MTOR: variants seen among roughly 807,000 people sequenced by gnomAD.
The protein encoded by MTOR is serine/threonine-protein kinase mTOR.
MTOR carries 70 observed loss-of-function variants against 319.8 expected under a neutral mutation model. The observed-to-expected ratio is 0.22, with a 90% CI of 0.18 to 0.27. The LOEUF (loss-of-function observed/expected upper bound fraction) is 0.27, where lower values mean the gene tolerates loss of function less well. Among genes scored for constraint, MTOR ranks in the 10% least tolerant of loss-of-function variants. The pLI, the probability that MTOR is intolerant of heterozygous loss-of-function variation, is 1.00. For synonymous variants in MTOR, 1,183 were observed against 1,211.4 expected, an observed-to-expected ratio of 0.98 and a Z score of 0.49; for missense variants, 1,890 against 3,274.4, an observed-to-expected ratio of 0.58 and a Z score of 10.32.
chr1:11,153,802 C>T (rs1644226882), intron 30 of MTOR, among the ~76,000 whole-genome samples: 1 of 151,996 alleles, frequency 6.6e-6, no homozygotes, highest in Non-Finnish European at 1.5e-5. Flanking sequence ...GATGCAGTGG[C>T]TCACACCCGT....
At chr1:11,236,596 C>A (rs1647260221) in intron 13 of MTOR, among the ~76,000 whole-genome samples, 1 of 151,772 alleles carries the variant, frequency 6.6e-6, no homozygotes, top group Non-Finnish European at 1.5e-5. Context: ...CAACCTTCAC[C>A]TCCTGGGTTC....
At chr1:11,231,117 A>ACGGATACT (rs779014815) in intron 17 of MTOR, 63 bp from the exon 18 acceptor site, 69 of 1,611,398 alleles carry the variant, frequency 4.3e-5, no homozygotes, top group Non-Finnish European at 5.3e-5. Context: ...AACAAGTATC[A>ACGGATACT]CGGATACTCC....
chr1:11,108,395 G>A (rs2100281036), intron 56 of MTOR, 109 bp from the exon 57 acceptor site: 1 of 868,568 alleles, frequency 1.2e-6, no homozygotes, highest in South Asian at 1.5e-5. Flanking sequence ...CAGACATGAA[G>A]ATGAAGGATA....
chr1:11,206,942 A>C (rs1646155984), intron 25 of MTOR, among the ~76,000 whole-genome samples: 1 of 152,224 alleles, frequency 6.6e-6, no homozygotes, highest in African/African-American at 2.4e-5. Context: ...GTATCACATA[A>C]ATCTAATATT....
chr1:11,242,216 T>C (rs560924957), intron 9 of MTOR, among the ~76,000 whole-genome samples: 2 of 150,804 alleles, frequency 1.3e-5, no homozygotes, highest in South Asian at 2.1e-4. Context: ...ATACAAAAAT[T>C]AGCTGGGCGT....
chr1:11,194,817 G>A, intron 28 of MTOR: 1 of 1,611,090 alleles, frequency 6.2e-7, no homozygotes, highest in Non-Finnish European at 8.5e-7. Flanking sequence ...GTCTATCACA[G>A]TCAACTTACT....
At chr1:11,201,235 T>G (rs560296240) in intron 26 of MTOR, among the ~76,000 whole-genome samples, 10 of 152,076 alleles carry the variant, frequency 6.6e-5, no homozygotes, top group Non-Finnish European at 8.8e-5. Flanking sequence ...TATTTGGGAC[T>G]AAGGGGATAA....
intron 31 of MTOR, among the ~76,000 whole-genome samples, chr1:11,147,067 G>T (rs1054217257): frequency 6.6e-6 from 1 of 152,196 alleles, no homozygotes; most frequent in Non-Finnish European, 1.5e-5. Context: ...TGAGTGTGAA[G>T]TCTGCACATC....
chr1:11,237,154 CAT>C (rs1431826263), intron 13 of MTOR, among the ~76,000 whole-genome samples: 1 of 152,136 alleles, frequency 6.6e-6, no homozygotes, highest in Non-Finnish European at 1.5e-5. Context: ...GGGTGAGCAA[CAT>C]AGAGACCCAC....
At chr1:11,215,516 C>T (rs771532277) in intron 20 of MTOR, among the ~76,000 whole-genome samples, 2 of 152,164 alleles carry the variant, frequency 1.3e-5, no homozygotes, top group Non-Finnish European at 2.9e-5. Context: ...TCTTCCAACT[C>T]TTTGAGGACA....
chr1:11,244,274 A>G (rs1011298612), intron 8 of MTOR, among the ~76,000 whole-genome samples: 4 of 141,928 alleles, frequency 2.8e-5, no homozygotes, highest in African/African-American at 7.6e-5. Context: ...CCTGGGCAAC[A>G]AGAGCAAAAC....
intron 2 of MTOR, 57 bp downstream of exon 2, chr1:11,259,191 T>C (rs1244459627): frequency 8.9e-6 from 14 of 1,575,416 alleles, no homozygotes; most frequent in African/African-American, 1.4e-5. Flanking sequence ...TGTAAACCAG[T>C]GATGGTACAT....
chr1:11,261,307 T>G (rs1027505576), intron 1 of MTOR, among the ~76,000 whole-genome samples: 1 of 131,396 alleles, frequency 7.6e-6, no homozygotes, highest in East Asian at 2.2e-4. Context: ...CTACTAAAAA[T>G]ACAAAAAAAA....
At position 11,241,800 on chromosome 1, in the gene MTOR, T is replaced by A. The variant is rs1053698305; in HGVS notation, c.1413-119A>T. On this transcript the variant is annotated intron_variant, in intron 9 of 57. Coordinates refer to ENST00000361445, the MANE Select transcript of MTOR (RefSeq NM_004958.4). ...CAGGCAGGGCTACCACAGATGGGTA[T>A]GCAAATTGTCCAGAGCACAGTTCAA... 28 of 1,141,620 alleles carry A rather than the reference T, an allele frequency of 2.5e-5. No individual in the cohort carries two copies. In the African/African-American group the frequency reaches 3.8e-4, roughly 16 times the overall value. The allele number at this position is 1,141,620 out of a possible 1,614,324, so 70.7% of individuals were successfully genotyped here.
rs75119139 is a variant in MTOR at position 11,178,417 on chromosome 1, G to C, written c.4254-10900C>G. 1.7e-3 allele frequency among the ~76,000 whole-genome samples: 262 copies of C among 152,318 alleles called. 3 individuals are homozygous for C. The highest frequency in any genetic ancestry group is 3.0e-3 in the Non-Finnish European group (205 of 68,028). On this transcript the variant is annotated intron_variant, in intron 28 of 57. Coordinates refer to ENST00000361445, the MANE Select transcript of MTOR (RefSeq NM_004958.4). ...CAACTGAGGAGCCTGTCAGAGGCGT[G>C]TTGTAAAAATGATGAATGGCTGTCA...
At position 11,127,651 on chromosome 1, in the gene MTOR, C is replaced by T. The variant is rs2100407023; in HGVS notation, c.6189G>A (p.Gln2063=). 1 of 1,613,850 alleles carries T rather than the reference C, an allele frequency of 6.2e-7. No individual in the cohort carries two copies. Residue 2063 remains glutamine, a synonymous_variant, in exon 44 of 58, where the codon CAG becomes CAA. Coordinates refer to ENST00000361445, the MANE Select transcript of MTOR (RefSeq NM_004958.4). This position sits in a 1 kb window ranked among gnomAD's most constrained non-coding sequence, Gnocchi z 5.5. ...PLHAMMERGP[Q]TLKETSFNQA... is the part of the protein sequence containing the mutation. ...GATTAAAGGATGTTTCCTTCAGAGT[C>T]TGGGGGCCCCGTTCCATCATAGCAT...
chr1:11,243,139 G>C lies in MTOR; in HGVS notation c.1387C>G (p.Leu463Val), dbSNP rs1569773297. The C allele has an allele frequency of 8.7e-6, 14 of 1,614,180 alleles. No homozygotes were observed. The highest frequency in any genetic ancestry group is 1.2e-5 in the Non-Finnish European group (14 of 1,180,042). Residue 463 changes from leucine to valine, a missense_variant, in exon 9 of 58, where the codon CTG (leucine) becomes GTG (valine). Physicochemically the swap from Leu to Val is conservative, Grantham distance 32 (BLOSUM62 1). Coordinates refer to ENST00000361445, the MANE Select transcript of MTOR (RefSeq NM_004958.4). ...TTATGGGCGAAGTCCTTTGGGGGCA[G>C]GGCCGCTCGGATGATGTCCAGCACG... ...PRVLDIIRAA[L>V]PPKDFAHKRQ...
chr1:11,253,124 G>A (rs76957546), intron 6 of MTOR, among the ~76,000 whole-genome samples: 177 of 152,174 alleles, frequency 1.2e-3, no homozygotes, highest in African/African-American at 4.0e-3. Context: ...ACTTCTATCC[G>A]AATTTTACCC....
intron 34 of MTOR, among the ~76,000 whole-genome samples, chr1:11,143,276 T>A (rs1203609299): frequency 6.6e-6 from 1 of 152,208 alleles, no homozygotes; most frequent in Non-Finnish European, 1.5e-5. Context: ...CTGGACCCAG[T>A]AAAGTCAGAC....
Sources: allele counts gnomAD v4.1 joint callset (sites outside exome capture counted in the v4.1 genomes callset), GRCh38; gene constraint gnomAD v4.1.1; non-coding constraint Gnocchi (gnomAD v3.1); transcripts MANE v1.5; gene names NCBI Gene and HGNC (gene_info 2026-07-23, HGNC 2026-07-21).